ATP8A2: variants seen among roughly 807,000 people sequenced by gnomAD.
ATP8A2 encodes the protein phospholipid-transporting ATPase IB.
A neutral mutation model predicts 165.6 loss-of-function variants in ATP8A2; 100 were observed. That is an observed-to-expected ratio of 0.60 (90% CI 0.51 to 0.71). The LOEUF is 0.71. ATP8A2 is among the 30% of genes least tolerant of loss of function. ATP8A2 has a pLI of 0.00. For synonymous variants in ATP8A2, 543 were observed against 548.8 expected (o/e 0.99, Z 0.15); for missense variants, 1,227 against 1,479.5 (o/e 0.83, Z 2.80).
rs1298128805 is a variant in ATP8A2 at position 25,468,989 on chromosome 13, C to T, written c.89C>T (p.Ser30Phe). Residue 30 changes from serine (S) to phenylalanine (F), a missense_variant, in exon 2 of 37, where the codon TCT becomes TTT. Ser to Phe is a radical substitution (Grantham distance 155). Coordinates refer to ENST00000381655, the MANE Select transcript of ATP8A2 (RefSeq NM_016529.6). ...CCTGTCTCTGCAGGACCTGTTCGTT[C>T]TTCTTTGGGCTATAAGAAGGCAGAG... ...RIRSSVGPVR[S>F]SLGYKKAEDE... is the part of the protein sequence containing the mutation. 10 of 1,613,946 alleles carry T rather than the reference C, an allele frequency of 6.2e-6. No individual in the cohort carries two copies. Among genetic ancestry groups the T allele is most frequent in the Non-Finnish European group, 8.5e-6 (10 of 1,179,856 alleles).
intron 1 of ATP8A2, among the ~76,000 whole-genome samples, chr13:25,443,652 A>T (rs2034992762): frequency 6.6e-6 from 1 of 152,268 alleles, no homozygotes; most frequent in Non-Finnish European, 1.5e-5. Flanking sequence ...TACATTCCCT[A>T]TCCCCATTCC....
chr13:25,850,342 C>G (rs541939638), intron 30 of ATP8A2, among the ~76,000 whole-genome samples: 3 of 152,118 alleles, frequency 2.0e-5, no homozygotes, highest in Admixed American at 1.3e-4. Context: ...TTTTTTGGAG[C>G]CTATACATTT....
In ATP8A2 at chr13:25,589,668, C is replaced by T. The variant is rs1288717941; in HGVS notation, c.2180C>T (p.Ala727Val). The change falls in exon 24 of 37, where the codon GCC (alanine) becomes GTC (valine). Residue 727 changes from alanine to valine, a missense_variant. Physicochemically the swap from Ala to Val is moderately conservative, Grantham distance 64 (BLOSUM62 0). This residue lies in a region of ATP8A2 where 592 missense variants were observed against 785.6 expected (regional missense o/e 0.75). Transcript: ENST00000381655. ...YSCRLVSQNMALILLKEDSLD... is the reference protein window; with the variant it reads ...YSCRLVSQNMVLILLKEDSLD... Reference sequence around the variant, plus strand: ...TGCCGATTGGTATCGCAGAATATGGCCCTTATCCTATTGAAGGAGGACTCT... The same window carrying T: ...TGCCGATTGGTATCGCAGAATATGGTCCTTATCCTATTGAAGGAGGACTCT... 1.2e-6 allele frequency: 2 copies of T among 1,611,618 alleles called. No individual in the cohort carries two copies. The highest frequency in any genetic ancestry group is 1.3e-5 in the African/African-American group (1 of 74,844).
intron 24 of ATP8A2, among the ~76,000 whole-genome samples, chr13:25,600,789 A>G (rs936237505): frequency 3.3e-5 from 5 of 152,342 alleles, no homozygotes; most frequent in South Asian, 2.1e-4. Flanking sequence ...TCTAAGAAAT[A>G]TGGCTTTAAG....
chr13:25,568,922 G>A (rs921827801), intron 16 of ATP8A2, among the ~76,000 whole-genome samples: 11 of 151,972 alleles, frequency 7.2e-5, no homozygotes, highest in East Asian at 1.9e-4. Flanking sequence ...CCAATGATAG[G>A]TTAATTTTAT....
At chr13:25,437,091 T>C (rs919977964) in intron 1 of ATP8A2, among the ~76,000 whole-genome samples, 1 of 152,220 alleles carries the variant, frequency 6.6e-6, no homozygotes, top group African/African-American at 2.4e-5. Flanking sequence ...TTTGACTCTT[T>C]AGTAATAGCC....
intron 1 of ATP8A2, among the ~76,000 whole-genome samples, chr13:25,427,052 G>T (rs1479663335): frequency 6.6e-6 from 1 of 152,166 alleles, no homozygotes; most frequent in African/African-American, 2.4e-5. Context: ...AGCCAGAGGG[G>T]GTGTGAGAGA....
chr13:25,886,098 T>C (rs1420254283), intron 33 of ATP8A2, among the ~76,000 whole-genome samples: 3 of 152,178 alleles, frequency 2.0e-5, no homozygotes, highest in Non-Finnish European at 4.4e-5. Flanking sequence ...GAAAGAAGCT[T>C]TTCCTCCAAG....
In ATP8A2 at chr13:25,940,087, C is replaced by T. The variant is rs145342276; in HGVS notation, c.3184-21488C>T. ...CGTGAAGGGCTGTGGCTCCTGCCCT[C>T]AGTCCTCGAGTGGCGCTGGCAGTTG... On this transcript the variant is annotated intron_variant, in intron 33 of 36. Coordinates refer to ENST00000381655, the MANE Select transcript of ATP8A2 (RefSeq NM_016529.6). Among the ~76,000 whole-genome samples, 401 of 152,270 alleles carry T rather than the reference C, an allele frequency of 2.6e-3. 3 individuals carry two copies. The highest frequency in any genetic ancestry group is 9.4e-3 in the African/African-American group (389 of 41,568).
chr13:25,447,222 C>T (rs148488207), intron 1 of ATP8A2, among the ~76,000 whole-genome samples: 13 of 152,036 alleles, frequency 8.6e-5, no homozygotes, highest in South Asian at 2.1e-4. Context: ...GGGGTTTGCA[C>T]GCTAGATCAT....
At chr13:25,550,331 G>A (rs767828352) in intron 10 of ATP8A2, among the ~76,000 whole-genome samples, 15 of 152,086 alleles carry the variant, frequency 9.9e-5, no homozygotes, top group African/African-American at 2.9e-4. Context: ...TAACATACTC[G>A]CAGTGCCCCA....
rs575452993 is a variant in ATP8A2 at position 25,879,721 on chromosome 13, T to C, written c.3183+17313T>C. ...TGCAGTGGTTCTTCAAGCAGATTTATGCAAACAGCCCCAAATGTGTTTTAG... is the reference window on the plus strand; with the variant it reads ...TGCAGTGGTTCTTCAAGCAGATTTACGCAAACAGCCCCAAATGTGTTTTAG... On this transcript the variant is annotated intron_variant, in intron 33 of 36. Coordinates refer to ENST00000381655, the MANE Select transcript of ATP8A2 (RefSeq NM_016529.6). Among the ~76,000 whole-genome samples, 27 of 152,332 alleles carry C rather than the reference T, an allele frequency of 1.8e-4. 1 individual carries two copies. In the South Asian group the frequency reaches 5.0e-3, roughly 28 times the overall value.
At chr13:25,956,550 A>G (rs1425484533) in intron 33 of ATP8A2, among the ~76,000 whole-genome samples, 1 of 152,238 alleles carries the variant, frequency 6.6e-6, no homozygotes, top group Non-Finnish European at 1.5e-5. Context: ...ATACCTGGGA[A>G]TACAACTTAC....
intron 24 of ATP8A2, among the ~76,000 whole-genome samples, chr13:25,693,861 T>G (rs571557962): frequency 2.6e-5 from 4 of 152,142 alleles, no homozygotes; most frequent in African/African-American, 7.2e-5. Flanking sequence ...TTCTAATTTT[T>G]GGGTTTTTGT....
At chr13:25,747,348 C>A (rs4769436) in intron 25 of ATP8A2, among the ~76,000 whole-genome samples, 53,560 of 152,080 alleles carry the variant, frequency 0.35, 9,828 homozygotes, top group East Asian at 0.49. Context: ...AGGTTAGTAG[C>A]GAAGTCAGTT....
At chr13:25,817,190 C>T (rs1253981362) in intron 27 of ATP8A2, among the ~76,000 whole-genome samples, 1 of 152,076 alleles carries the variant, frequency 6.6e-6, no homozygotes, top group Non-Finnish European at 1.5e-5. Flanking sequence ...AGCAAGCCAG[C>T]TCAGAATTTG....
intron 33 of ATP8A2, among the ~76,000 whole-genome samples, chr13:25,940,992 C>A (rs2139107499): frequency 6.6e-6 from 1 of 152,350 alleles, no homozygotes; most frequent in East Asian, 1.9e-4. Context: ...TGGCTCTTTC[C>A]TCACTGTCAC....
intron 33 of ATP8A2, among the ~76,000 whole-genome samples, chr13:25,870,888 T>A (rs1216052377): frequency 6.6e-6 from 1 of 152,244 alleles, no homozygotes; most frequent in African/African-American, 2.4e-5. Context: ...GTGTTTGAGC[T>A]GCAATCTTCT....
intron 33 of ATP8A2, among the ~76,000 whole-genome samples, chr13:25,869,231 T>C (rs1349983976): frequency 6.6e-6 from 1 of 152,222 alleles, no homozygotes; most frequent in Admixed American, 6.5e-5. Flanking sequence ...TCTGTCAGAA[T>C]TGGCTTTTGT....
Sources: allele counts gnomAD v4.1 joint callset (sites outside exome capture counted in the v4.1 genomes callset), GRCh38; gene constraint gnomAD v4.1.1; regional missense constraint gnomAD v4.1.1; transcripts MANE v1.5; gene names NCBI Gene and HGNC (gene_info 2026-07-23, HGNC 2026-07-21).